Variants in FHOD3 observed in about 807,000 individuals in gnomAD.
FHOD3 encodes the protein FH1/FH2 domain-containing protein 3.
Under a neutral mutation model 173.0 loss-of-function variants are expected in FHOD3, and 90 were observed. That is an observed-to-expected ratio of 0.52 (90% confidence interval 0.44 to 0.62). FHOD3 has a LOEUF of 0.62. Among genes scored for constraint, FHOD3 ranks in the 20% least tolerant of loss-of-function variants. FHOD3 has a pLI of 0.00. For missense variants in FHOD3, 1,945 were observed against 2,034.7 expected, an observed-to-expected ratio of 0.96 and a Z score of 0.85; for synonymous variants, 828 against 823.0, an observed-to-expected ratio of 1.01 and a Z score of -0.10.
intron 4 of FHOD3, among the ~76,000 whole-genome samples, chr18:36,508,280 T>A (rs949691071): frequency 1.3e-4 from 19 of 151,916 alleles, no homozygotes; most frequent in Middle Eastern, 3.4e-3. Context: ...TTTTTTTTTT[T>A]TAAAAAAAGC....
intron 10 of FHOD3, 120 bp downstream of exon 10, chr18:36,625,869 T>TA: frequency 1.3e-6 from 1 of 799,016 alleles, no homozygotes; most frequent in East Asian, 3.0e-5. Context: ...CATTGCTCCC[T>TA]ACCTCTTCTT....
rs117685326 is a variant in FHOD3, at chr18:36,548,353, A to G, written c.512-28098A>G. On this transcript the variant is annotated intron_variant, in intron 5 of 28. Coordinates refer to ENST00000590592, the MANE Select transcript of FHOD3 (RefSeq NM_001281740.3). ...TTCCTGTTAGTTTTGTAGGGGACTT[A>G]TTTTTCTCTTTTGTTAGGTTCAGCC... Among the ~76,000 whole-genome samples the G allele has an allele frequency of 9.0e-3, 1,374 of 152,110 alleles. 10 individuals are homozygous for G. The highest frequency in any genetic ancestry group is 0.015 in the Non-Finnish European group (995 of 67,988).
intron 8 of FHOD3, among the ~76,000 whole-genome samples, chr18:36,604,181 G>A (rs759479291): frequency 2.0e-5 from 3 of 152,058 alleles, no homozygotes; most frequent in Non-Finnish European, 2.9e-5. Flanking sequence ...CAGGCACCTC[G>A]CCAGCCACCC....
Position 36,779,514 on chromosome 18 carries a change from C to T in FHOD3, c.4853C>T (p.Ser1618Leu), listed in dbSNP as rs758502891. Residue 1618 changes from serine to leucine, a missense_variant, in exon 29 of 29, where the codon TCG becomes TTG. By Grantham distance (145) the Ser-to-Leu change is moderately radical. This residue lies in a region of FHOD3 where 354 missense variants were observed against 359.9 expected (regional missense o/e 0.98). Coordinates refer to ENST00000590592, the MANE Select transcript of FHOD3 (RefSeq NM_001281740.3). ...AGAGCCCTGGGCTTGGTTGGCACCT[C>T]GGAGTTGCAGCTGTGACACTCATAG... ...EARALGLVGT[S>L]ELQL The T allele has an allele frequency of 2.0e-5, 33 of 1,613,976 alleles. No individual in the cohort carries two copies. Among genetic ancestry groups the T allele is most frequent in the Admixed American group, 2.0e-4 (12 of 60,000 alleles).
chr18:36,742,702 C>A (rs758699757), intron 21 of FHOD3, 35 bp from the exon 22 acceptor site: 1 of 1,592,900 alleles, frequency 6.3e-7, no homozygotes, highest in South Asian at 1.1e-5. Flanking sequence ...CCAAATTGTA[C>A]ACTCTTTATT....
chr18:36,755,431 T>TA, intron 25 of FHOD3, 120 bp downstream of exon 25: 2 of 711,216 alleles, frequency 2.8e-6, no homozygotes, highest in Non-Finnish European at 4.0e-6. Flanking sequence ...TTTTTGACTA[T>TA]AAAAAATTAT....
chr18:36,404,861 T>C (rs1040097205), intron 3 of FHOD3, among the ~76,000 whole-genome samples: 1 of 152,234 alleles, frequency 6.6e-6, no homozygotes, highest in Non-Finnish European at 1.5e-5. Context: ...TCAGTCCTTT[T>C]GGTTAGCAAT....
chr18:36,308,682 T>TA (rs1433507687), intron 1 of FHOD3, among the ~76,000 whole-genome samples: 1 of 152,214 alleles, frequency 6.6e-6, no homozygotes, highest in Non-Finnish European at 1.5e-5. Flanking sequence ...CCACCAGATG[T>TA]AAAGCCCCAG....
At chr18:36,501,293 G>C (rs1003925796) in intron 3 of FHOD3, among the ~76,000 whole-genome samples, 1 of 152,200 alleles carries the variant, frequency 6.6e-6, no homozygotes, top group Non-Finnish European at 1.5e-5. Flanking sequence ...CTGGCTTCCT[G>C]CCCAGAGGCC....
At chr18:36,512,585 G>A (rs778907962) in intron 5 of FHOD3, 42 bp downstream of exon 5, 1 of 1,402,312 alleles carries the variant, frequency 7.1e-7, no homozygotes, top group South Asian at 1.2e-5. Flanking sequence ...CCAGCTGCAG[G>A]GGGGATCTGG....
Position 36,459,821 on chromosome 18 carries a change from C to G in FHOD3, c.338-42111C>G, listed in dbSNP as rs143980081. 1.9e-3 allele frequency among the ~76,000 whole-genome samples: 290 copies of G among 152,270 alleles called. 2 individuals are homozygous for G. The highest frequency in any genetic ancestry group is 0.014 in the Middle Eastern group (4 of 294). On this transcript the variant is annotated intron_variant, in intron 3 of 28. Coordinates refer to ENST00000590592, the MANE Select transcript of FHOD3 (RefSeq NM_001281740.3). The stretch of plus-strand genomic sequence containing the variant: ...GTACTTTTGTCACAATTAATGTTAT[C>G]TAGAGTGTCATACTTCATTAGATTC...
intron 1 of FHOD3, among the ~76,000 whole-genome samples, chr18:36,327,423 C>T (rs2044728675): frequency 6.6e-6 from 1 of 152,214 alleles, no homozygotes; most frequent in Non-Finnish European, 1.5e-5. Flanking sequence ...GCAAAAACCG[C>T]AATTACTTTT....
chr18:36,468,003 C>T (rs560186064), intron 3 of FHOD3, among the ~76,000 whole-genome samples: 5 of 152,342 alleles, frequency 3.3e-5, no homozygotes, highest in South Asian at 2.1e-4. Flanking sequence ...TAGGTCTGTC[C>T]GCACAGCAGG....
chr18:36,400,847 G>A (rs1003673561), intron 3 of FHOD3, among the ~76,000 whole-genome samples: 12 of 152,192 alleles, frequency 7.9e-5, no homozygotes, highest in African/African-American at 2.9e-4. Context: ...CATCCCGGAA[G>A]CAGAATAAGT....
chr18:36,720,783 CCTCCTCCTCT>C (rs2040742334), intron 19 of FHOD3, among the ~76,000 whole-genome samples: 1 of 148,446 alleles, frequency 6.7e-6, no homozygotes, highest in Non-Finnish European at 1.5e-5. Context: ...TCCTCCTCTT[CCTCCTCCTCT>C]TCCTCCTCCT....
chr18:36,387,059 G>A (rs2048069148), intron 3 of FHOD3, among the ~76,000 whole-genome samples: 1 of 152,154 alleles, frequency 6.6e-6, no homozygotes, highest in Non-Finnish European at 1.5e-5. Context: ...TGGCTTAGGA[G>A]CCAAAAATAC....
intron 14 of FHOD3, among the ~76,000 whole-genome samples, chr18:36,677,220 G>A (rs967299615): frequency 3.6e-4 from 54 of 151,544 alleles, no homozygotes; most frequent in African/African-American, 1.2e-3. Flanking sequence ...GTGCAGTGGT[G>A]CAATCTATGC....
chr18:36,725,776 TC>T (rs2041032818), intron 19 of FHOD3, among the ~76,000 whole-genome samples: 1 of 152,216 alleles, frequency 6.6e-6, no homozygotes, highest in African/African-American at 2.4e-5. Flanking sequence ...TTTTTCTGAT[TC>T]CATATTAAAA....
chr18:36,404,416 A>T (rs904361847), intron 3 of FHOD3, among the ~76,000 whole-genome samples: 1 of 152,234 alleles, frequency 6.6e-6, no homozygotes, highest in Non-Finnish European at 1.5e-5. Flanking sequence ...AATGAATTAA[A>T]TGAGGTGAAA....
Sources: allele counts gnomAD v4.1 joint callset (sites outside exome capture counted in the v4.1 genomes callset), GRCh38; gene constraint gnomAD v4.1.1; regional missense constraint gnomAD v4.1.1; transcripts MANE v1.5; gene names NCBI Gene and HGNC (gene_info 2026-07-23, HGNC 2026-07-21).